The following BEND2 variants were observed in gnomAD, a reference collection of about 807,000 sequenced individuals.
BEND2 encodes the protein BEN domain-containing protein 2.
BEND2 carries 19 observed loss-of-function variants against 43.8 expected under a neutral mutation model. The ratio of observed to expected loss-of-function variants is 0.43; its 90% CI spans 0.30 to 0.64. BEND2 has a LOEUF of 0.64. Among genes scored for constraint, BEND2 ranks in the 30% least tolerant of loss-of-function variants. BEND2 has a pLI of 0.11. For synonymous variants in BEND2, 226 were observed against 210.1 expected, an observed-to-expected ratio of 1.08 and a Z score of -0.66; for missense variants, 544 against 574.0, an observed-to-expected ratio of 0.95 and a Z score of 0.53.
At chrX:18,171,274 AAC>A in intron 12 of BEND2, 70 bp from the exon 13 acceptor site, 1 of 1,055,024 alleles carries the variant, frequency 9.5e-7, no homozygotes. Context: ...TAAAAGCTGA[AAC>A]AGAAACGTTG....
At chrX:18,219,354 G>C (rs1466273011) in intron 1 of BEND2, among the ~76,000 whole-genome samples, 17 of 112,901 alleles carry the variant, frequency 1.5e-4, no homozygotes, top group African/African-American at 5.5e-4. Flanking sequence ...ACGCGGCAAG[G>C]GGGCCGGGCC....
Position 18,164,954 on chromosome X carries a change from A to G in BEND2, c.*55T>C. On this transcript the variant is annotated 3_prime_UTR_variant, in exon 14 of 14. Coordinates refer to ENST00000380033, the MANE Select transcript of BEND2 (RefSeq NM_153346.5). The stretch of plus-strand genomic sequence containing the variant: ...TGATTTTGGAATTAGAACTTGAGAA[A>G]CTTACAAAATAGTCTTAACAGTTAA... The G allele has an allele frequency of 8.9e-7, 1 of 1,125,255 alleles. No homozygotes were observed. The highest frequency in any genetic ancestry group is 1.2e-6 in the Non-Finnish European group (1 of 843,655). The allele number at this position is 1,125,255 out of a possible 1,213,427, so 92.7% of individuals were successfully genotyped here.
intron 11 of BEND2, among the ~76,000 whole-genome samples, chrX:18,175,708 T>C (rs1264537202): frequency 1.8e-5 from 2 of 112,545 alleles, no homozygotes; most frequent in Admixed American, 9.4e-5. Context: ...GCTGAAACTA[T>C]TTTCCTAGTA....
chrX:18,220,125 G>A (rs966745085), intron 1 of BEND2, among the ~76,000 whole-genome samples: 3 of 111,266 alleles, frequency 2.7e-5, no homozygotes, highest in Non-Finnish European at 5.7e-5. Flanking sequence ...CGGGCACCCC[G>A]GGAGAGGCGG....
intron 7 of BEND2, among the ~76,000 whole-genome samples, chrX:18,194,215 G>T (rs1924866510): frequency 9.0e-6 from 1 of 111,532 alleles, no homozygotes; most frequent in African/African-American, 3.3e-5. Context: ...AAACTGTTTG[G>T]CAGTTTCTTA....
At chrX:18,179,946 G>A (rs1924321286) in intron 9 of BEND2, among the ~76,000 whole-genome samples, 1 of 112,327 alleles carries the variant, frequency 8.9e-6, no homozygotes, top group Non-Finnish European at 1.9e-5. Flanking sequence ...GGAGGCCGAG[G>A]CAGATGGATC....
At position 18,187,642 on chromosome X, in the gene BEND2, G is replaced by T. The variant is rs189526503; in HGVS notation, c.1288+3359C>A. Among the ~76,000 whole-genome samples the T allele has an allele frequency of 3.6e-3, 397 of 111,700 alleles. 2 individuals carry two copies. Among genetic ancestry groups the T allele is most frequent in the African/African-American group, 0.012 (380 of 30,833 alleles). ...TTAATCTGTACTATAGACCAAATGG[G>T]TCTAATAGATATGAACATTTCACGG... On this transcript the variant is annotated intron_variant, in intron 8 of 13. Transcript: ENST00000380033.
chrX:18,204,369 G>A (rs771764071), intron 4 of BEND2, among the ~76,000 whole-genome samples: 5 of 111,767 alleles, frequency 4.5e-5, no homozygotes, highest in African/African-American at 6.5e-5. Flanking sequence ...ACTGATTTGT[G>A]TCTTTAGGAG....
At chrX:18,178,179 T>C (rs1244212242) in intron 9 of BEND2, among the ~76,000 whole-genome samples, 1 of 112,199 alleles carries the variant, frequency 8.9e-6, no homozygotes, top group African/African-American at 3.2e-5. Context: ...GGATGTTCCC[T>C]GAAGACAATG....
Position 18,220,801 on chromosome X carries a change from C to G in BEND2, c.-51G>C. ...AGGCCCGAGACCTGAGGCCCGAGAC[C>G]TGAGGCCTACGTCTGCGCCGCGGCT... On this transcript the variant is annotated 5_prime_UTR_variant, in exon 1 of 14. Coordinates refer to ENST00000380033, the MANE Select transcript of BEND2 (RefSeq NM_153346.5). 5 of 1,156,613 alleles carry G rather than the reference C, an allele frequency of 4.3e-6. No individual in the cohort carries two copies. The highest frequency in any genetic ancestry group is 5.9e-6 in the Non-Finnish European group (5 of 852,292).
At chrX:18,188,466 A>G (rs1924647169) in intron 8 of BEND2, among the ~76,000 whole-genome samples, 1 of 111,950 alleles carries the variant, frequency 8.9e-6, no homozygotes, top group Non-Finnish European at 1.9e-5. Flanking sequence ...TACCGCAGAA[A>G]TTCAAAGGGA....
chrX:18,177,653 T>C lies in BEND2; in HGVS notation c.1546A>G (p.Lys516Glu). 1 of 1,211,497 alleles carries C rather than the reference T, an allele frequency of 8.3e-7. No homozygotes were observed. Among genetic ancestry groups the C allele is most frequent in the Non-Finnish European group, 1.1e-6 (1 of 895,203 alleles). ...ACTGAGCTGCTAATCAGGATTTCCT[T>C]GGAGAACAAAATACGAACCAAGTAG... ...ACYLVRILFS[K>E]EILISSSVDI... Residue 516 changes from lysine to glutamate, a missense_variant, in exon 10 of 14, where the codon AAG becomes GAG. Physicochemically the swap from Lys to Glu is moderately conservative, Grantham distance 56. Transcript: ENST00000380033.
chrX:18,171,583 A>G (rs906923761), intron 12 of BEND2, among the ~76,000 whole-genome samples: 1 of 110,648 alleles, frequency 9.0e-6, no homozygotes, highest in African/African-American at 3.3e-5. Flanking sequence ...GGTTTAAACG[A>G]CCCTCCTGCC....
chrX:18,205,552 G>A (rs1434887898), intron 4 of BEND2, among the ~76,000 whole-genome samples: 1 of 92,155 alleles, frequency 1.1e-5, no homozygotes, highest in Non-Finnish European at 2.0e-5. Flanking sequence ...GCTACAGTGA[G>A]CCATGATTGT....
chrX:18,171,607 G>A (rs1026144527), intron 12 of BEND2, among the ~76,000 whole-genome samples: 1 of 111,673 alleles, frequency 9.0e-6, no homozygotes, highest in Non-Finnish European at 1.9e-5. Context: ...GCCTCCCAAA[G>A]TGTTGGGATT....
Position 18,189,178 on chromosome X carries a change from C to T in BEND2, c.1288+1823G>A, listed in dbSNP as rs372186876. ...TTGTGCCACTGCACTCCAGCCTGGGCGACAGAAAGAGAATCCATCTCAAAA... is the reference window on the plus strand; with the variant it reads ...TTGTGCCACTGCACTCCAGCCTGGGTGACAGAAAGAGAATCCATCTCAAAA... On this transcript the variant is annotated intron_variant, in intron 8 of 13. Coordinates refer to ENST00000380033, the MANE Select transcript of BEND2 (RefSeq NM_153346.5). Among the ~76,000 whole-genome samples, 134 of 86,832 alleles carry T rather than the reference C, an allele frequency of 1.5e-3. 1 individual carries two copies. Among genetic ancestry groups the T allele is most frequent in the Middle Eastern group, 0.015 (2 of 137 alleles). 75.4% of individuals were successfully genotyped at this position (86,832 alleles called of 115,157 possible). A position where few individuals can be genotyped will look rare whatever the true frequency, so the allele number is the denominator to read the frequency against.
chrX:18,180,351 A>G (rs1924338630), intron 9 of BEND2, among the ~76,000 whole-genome samples, 159 bp downstream of exon 9: 1 of 112,658 alleles, frequency 8.9e-6, no homozygotes. Flanking sequence ...AGTGCCTTGC[A>G]CGTAATATGC....
At chrX:18,176,173 G>T in intron 10 of BEND2, 80 bp from the exon 11 acceptor site, 1 of 932,969 alleles carries the variant, frequency 1.1e-6, no homozygotes, top group Non-Finnish European at 1.5e-6. Flanking sequence ...TTTAAACACT[G>T]ACTTTTAGAT....
intron 9 of BEND2, 61 bp from the exon 10 acceptor site, chrX:18,177,830 G>C: frequency 1.1e-6 from 1 of 931,842 alleles, no homozygotes; most frequent in East Asian, 3.1e-5. Context: ...TACCCTCAAA[G>C]TACACAAGAG....
Sources: gnomAD v4.1 joint callset for allele counts (sites outside exome capture counted in the v4.1 genomes callset) on GRCh38, gnomAD v4.1.1 for gene constraint, MANE v1.5 for transcripts, NCBI Gene and HGNC (gene_info 2026-07-23, HGNC 2026-07-21) for gene names.